Variants in GNAI1 observed in about 807,000 individuals in gnomAD.
The protein encoded by GNAI1 is G protein subunit alpha i1, also known as guanine nucleotide-binding protein G(i) subunit alpha-1.
In GNAI1, 11 loss-of-function variants were observed where a neutral mutation model predicts 38.9. The observed-to-expected ratio is 0.28, with a 90% CI of 0.18 to 0.47. GNAI1 has a LOEUF of 0.47. GNAI1 is among the 20% of genes least tolerant of loss of function. GNAI1 has a pLI of 0.99. For synonymous variants in GNAI1, 166 were observed against 145.1 expected (o/e 1.14, Z -1.04); for missense variants, 317 against 436.9 (o/e 0.73, Z 2.45).
In GNAI1 at chr7:80,199,327, G is replaced by A. The variant is rs775142147; in HGVS notation, c.406G>A (p.Val136Ile). 5 of 1,612,522 alleles carry A rather than the reference G, an allele frequency of 3.1e-6. No individual in the cohort carries two copies. Among genetic ancestry groups the A allele is most frequent in the Non-Finnish European group, 3.4e-6 (4 of 1,179,024 alleles). The change falls in exon 4 of 8, where the codon GTA becomes ATA. Residue 136 changes from valine to isoleucine, a missense_variant. Physicochemically the swap from Val to Ile is conservative, Grantham distance 29 (BLOSUM62 3). This residue lies in a region of GNAI1 where 158 missense variants were observed against 234.7 expected (regional missense o/e 0.67). Coordinates refer to ENST00000649796, the MANE Select transcript of GNAI1 (RefSeq NM_002069.6). Reference protein sequence around the residue: ...VIKRLWKDSGVQACFNRSREY... With the variant: ...VIKRLWKDSGIQACFNRSREY... ...AAAGAGATTGTGGAAAGATAGTGGT[G>A]TACAAGCCTGTTTCAACAGATCCCG... is the stretch of plus-strand genomic sequence containing the variant.
intron 1 of GNAI1, among the ~76,000 whole-genome samples, chr7:80,159,368 G>C (rs1218823309): frequency 1.3e-5 from 2 of 152,110 alleles, no homozygotes; most frequent in African/African-American, 4.8e-5. Flanking sequence ...GCCCCACCTT[G>C]AGAGGTGTCT....
intron 5 of GNAI1, 107 bp downstream of exon 5, chr7:80,203,939 A>C (rs1159495086): frequency 1.5e-6 from 1 of 660,604 alleles, no homozygotes; most frequent in Admixed American, 4.0e-5. Context: ...TGGAAATTAC[A>C]GTTGGAAAAA....
At chr7:80,171,957 A>G (rs1056177344) in intron 1 of GNAI1, among the ~76,000 whole-genome samples, 4 of 152,236 alleles carry the variant, frequency 2.6e-5, no homozygotes, top group African/African-American at 9.6e-5. Context: ...GATATTTGAA[A>G]GAATAGTGGT....
At position 80,221,654 on chromosome 7, in the gene GNAI1, T is replaced by C. The variant is rs955621992; in HGVS notation, c.*4161T>C. Among the ~76,000 whole-genome samples, 34 of 143,462 alleles carry C rather than the reference T, an allele frequency of 2.4e-4. No individual in the cohort carries two copies. The highest frequency in any genetic ancestry group is 8.8e-4 in the African/African-American group (34 of 38,630). 94.1% of individuals were successfully genotyped at this position (143,462 alleles called of 152,430 possible). A position where few individuals can be genotyped will look rare whatever the true frequency, so the allele number is the denominator to read the frequency against. On this transcript the variant is annotated 3_prime_UTR_variant, in exon 8 of 8. Coordinates refer to ENST00000649796, the MANE Select transcript of GNAI1 (RefSeq NM_002069.6). ...AAATTTTCTTTTTTTTTTTTTTTTT[T>C]TTTTTTTGGTATGGAGTCTTGCTCC...
At chr7:80,142,043 A>G (rs146695131) in intron 1 of GNAI1, among the ~76,000 whole-genome samples, 71 of 152,290 alleles carry the variant, frequency 4.7e-4, no homozygotes, top group African/African-American at 1.4e-3. Flanking sequence ...TGTGTCATCT[A>G]CCATGCTTCT....
At chr7:80,139,538 G>A (rs1260695458) in intron 1 of GNAI1, among the ~76,000 whole-genome samples, 1 of 152,142 alleles carries the variant, frequency 6.6e-6, no homozygotes, top group African/African-American at 2.4e-5. Flanking sequence ...GCACTTTAAA[G>A]GCAGAATTTT....
chr7:80,178,129 A>G (rs1332081100), intron 1 of GNAI1, among the ~76,000 whole-genome samples: 1 of 152,224 alleles, frequency 6.6e-6, no homozygotes, highest in Non-Finnish European at 1.5e-5. Flanking sequence ...TAACAAGAGA[A>G]CTAGAATTAG....
chr7:80,217,571 C>T lies in GNAI1; in HGVS notation c.*78C>T, dbSNP rs954928997. The T allele has an allele frequency of 3.9e-5, 29 of 741,174 alleles. No homozygotes were observed. The highest frequency in any genetic ancestry group is 5.9e-5 in the Non-Finnish European group (28 of 472,290). 45.9% of individuals were successfully genotyped at this position (741,174 alleles called of 1,614,324 possible). The stretch of plus-strand genomic sequence containing the variant: ...TGGATCTCTGTAGACTAGAGTCTTG[C>T]AGCAACACAGAATGTAATATAAGGC... On this transcript the variant is annotated 3_prime_UTR_variant, in exon 8 of 8. Coordinates refer to ENST00000649796, the MANE Select transcript of GNAI1 (RefSeq NM_002069.6).
At position 80,223,867 on chromosome 7, in the gene GNAI1, ATT is replaced by A. The variant is rs895525681; in HGVS notation, c.*6377_*6378del. On this transcript the variant is annotated 3_prime_UTR_variant, in exon 8 of 8. Transcript: ENST00000649796. ...AATTTCTTAACATAGTAAGTTACAAATTTTAACTATGAATCTTCTTCTTCGAA... is the reference window on the plus strand; with the variant it reads ...AATTTCTTAACATAGTAAGTTACAAATTAACTATGAATCTTCTTCTTCGAA... Among the ~76,000 whole-genome samples the A allele has an allele frequency of 6.6e-6, 1 of 152,192 alleles. No homozygotes were observed. Among genetic ancestry groups the A allele is most frequent in the African/African-American group, 2.4e-5 (1 of 41,450 alleles).
At chr7:80,148,522 T>C (rs935020393) in intron 1 of GNAI1, among the ~76,000 whole-genome samples, 3 of 96,140 alleles carry the variant, frequency 3.1e-5, no homozygotes, top group Non-Finnish European at 7.2e-5. Flanking sequence ...AAAAATGTTA[T>C]TTTAAAATTA....
At chr7:80,139,249 G>T (rs889754232) in intron 1 of GNAI1, among the ~76,000 whole-genome samples, 1 of 152,032 alleles carries the variant, frequency 6.6e-6, no homozygotes, top group African/African-American at 2.4e-5. Context: ...CTCTGCCTCT[G>T]GCAGCCTAAT....
intron 7 of GNAI1, among the ~76,000 whole-genome samples, chr7:80,216,673 G>T (rs2115724607): frequency 6.6e-6 from 1 of 152,194 alleles, no homozygotes; most frequent in East Asian, 1.9e-4. Context: ...GGGTCAGAGT[G>T]TGTGTGTGAT....
chr7:80,196,839 T>TA (rs1788585850), intron 3 of GNAI1, among the ~76,000 whole-genome samples: 1 of 152,012 alleles, frequency 6.6e-6, no homozygotes, highest in Admixed American at 6.6e-5. Flanking sequence ...AACTTGATGT[T>TA]ATGAGATACA....
chr7:80,157,055 T>C (rs1208628172), intron 1 of GNAI1, among the ~76,000 whole-genome samples: 2 of 152,226 alleles, frequency 1.3e-5, no homozygotes, highest in Non-Finnish European at 2.9e-5. Flanking sequence ...TTATCCAGCA[T>C]TATAGAATCA....
At position 80,225,986 on chromosome 7, in the gene GNAI1, A is replaced by G. The variant is rs1789151651; in HGVS notation, c.*8493A>G. Among the ~76,000 whole-genome samples the G allele has an allele frequency of 6.6e-6, 1 of 152,204 alleles. No homozygotes were observed. The highest frequency in any genetic ancestry group is 1.5e-5 in the Non-Finnish European group (1 of 68,032). On this transcript the variant is annotated 3_prime_UTR_variant, in exon 8 of 8. Transcript: ENST00000649796. ...GGAATATGGGAATAAATTCATTTAT[A>G]ATTAGTTGAAATTGTCCAGACACAT...
intron 1 of GNAI1, among the ~76,000 whole-genome samples, chr7:80,165,053 A>G (rs936144129): frequency 2.0e-5 from 3 of 152,170 alleles, no homozygotes; most frequent in Non-Finnish European, 2.9e-5. Flanking sequence ...GCTCTTTTGT[A>G]TGTTCCACCA....
intron 3 of GNAI1, among the ~76,000 whole-genome samples, chr7:80,192,943 C>T (rs757720950): frequency 2.6e-5 from 4 of 152,116 alleles, no homozygotes; most frequent in Non-Finnish European, 5.9e-5. Context: ...AGGCGATCCA[C>T]CTGCCTCAGC....
chr7:80,176,915 C>T (rs188840333), intron 1 of GNAI1, among the ~76,000 whole-genome samples: 1,988 of 112,220 alleles, frequency 0.018, 22 homozygotes, highest in East Asian at 0.057. Context: ...CTAGCCTGGG[C>T]GACAAGGGGA....
intron 3 of GNAI1, among the ~76,000 whole-genome samples, chr7:80,194,409 A>G (rs1007499622): frequency 2.0e-5 from 3 of 152,162 alleles, no homozygotes; most frequent in African/African-American, 7.2e-5. Flanking sequence ...TAGTAAGTCA[A>G]ATTTTACTTA....
Sources: gnomAD v4.1 joint callset for allele counts (sites outside exome capture counted in the v4.1 genomes callset) on GRCh38, gnomAD v4.1.1 for gene constraint, gnomAD v4.1.1 regional missense constraint, MANE v1.5 for transcripts, NCBI Gene and HGNC (gene_info 2026-07-23, HGNC 2026-07-21) for gene names.